NEK6: variants seen among roughly 807,000 people sequenced by gnomAD.
NEK6 encodes the protein NIMA related kinase 6, also known as serine/threonine-protein kinase Nek6.
NEK6 carries 27 observed loss-of-function variants against 43.5 expected under a neutral mutation model. The ratio of observed to expected loss-of-function variants is 0.62; its 90% CI spans 0.46 to 0.86. The LOEUF is 0.86. Among genes scored for constraint, NEK6 ranks in the 40% least tolerant of loss-of-function variants. NEK6 has a pLI of 0.00. For synonymous variants in NEK6, 167 were observed against 164.1 expected (o/e 1.02, Z -0.14); for missense variants, 318 against 414.4 (o/e 0.77, Z 2.02).
chr9:124,339,714 G>T (rs1433955126), intron 8 of NEK6, 49 bp downstream of exon 8: 6 of 1,392,010 alleles, frequency 4.3e-6, no homozygotes, highest in Non-Finnish European at 6.1e-6. Context: ...CATGCATGGG[G>T]GGTGCCCAGT....
intron 1 of NEK6, among the ~76,000 whole-genome samples, chr9:124,281,162 G>C (rs1831885535): frequency 6.6e-6 from 1 of 152,190 alleles, no homozygotes; most frequent in Admixed American, 6.5e-5. Context: ...GACTGGCCTG[G>C]GGGCCTCTTC....
chr9:124,289,059 C>T (rs1029006846), intron 1 of NEK6, among the ~76,000 whole-genome samples: 2 of 152,094 alleles, frequency 1.3e-5, no homozygotes, highest in Admixed American at 1.3e-4. Flanking sequence ...TAGCTCTCCA[C>T]AGCCTTGAAC....
chr9:124,321,793 C>T (rs1834078577), intron 5 of NEK6, among the ~76,000 whole-genome samples: 1 of 152,226 alleles, frequency 6.6e-6, no homozygotes, highest in South Asian at 2.1e-4. Context: ...TCTTTCTTTC[C>T]ACTGGCCTCA....
intron 2 of NEK6, among the ~76,000 whole-genome samples, chr9:124,307,502 C>T (rs1025989144): frequency 5.3e-5 from 8 of 152,236 alleles, no homozygotes; most frequent in African/African-American, 1.7e-4. Context: ...TCCCATGTGC[C>T]TGCCCCAGGC....
At position 124,298,008 on chromosome 9, in the gene NEK6, A is replaced by G. The variant is rs554239164; in HGVS notation, c.-29-3928A>G. On this transcript the variant is annotated intron_variant, in intron 1 of 9. Transcript: ENST00000320246. ...CCCATGGAGAGCCCCAAGAGGCAGT[A>G]GATTCCTTGGAACAAAGAGGGAGTT... 2.0e-5 allele frequency among the ~76,000 whole-genome samples: 3 copies of G among 152,350 alleles called. No individual in the cohort carries two copies. The East Asian group carries it at 5.8e-4, about 29-fold the overall frequency.
At chr9:124,281,487 CTTTTTTTTTTTTT>C (rs759381068) in intron 1 of NEK6, among the ~76,000 whole-genome samples, 31 of 102,968 alleles carry the variant, frequency 3.0e-4, no homozygotes, top group African/African-American at 8.2e-4. Context: ...GCTGTTTTTT[CTTTTTTTTTTTTT>C]TTTTTTTTTT....
chr9:124,282,206 G>A (rs1588454544), intron 1 of NEK6, among the ~76,000 whole-genome samples: 1 of 152,214 alleles, frequency 6.6e-6, no homozygotes, highest in Non-Finnish European at 1.5e-5. Flanking sequence ...CTCTGACAAA[G>A]CACCTGCCGT....
rs192646049 is a variant in NEK6, at chr9:124,307,575, G to T, written c.91-4934G>T. Among the ~76,000 whole-genome samples, 5 of 152,268 alleles carry T rather than the reference G, an allele frequency of 3.3e-5. No individual in the cohort carries two copies. In the East Asian group the frequency reaches 7.7e-4, roughly 24 times the overall value. On this transcript the variant is annotated intron_variant, in intron 2 of 9. Transcript: ENST00000320246. ...AGCACAGCGAGTGGTGACACCGCAG[G>T]GTCAGCCTCCCTGTCCCCCGGCCCC...
At chr9:124,295,509 T>A (rs1428958685) in intron 1 of NEK6, among the ~76,000 whole-genome samples, 1 of 152,230 alleles carries the variant, frequency 6.6e-6, no homozygotes, top group Non-Finnish European at 1.5e-5. Flanking sequence ...TCACACCCTC[T>A]TCCAAGGCAG....
chr9:124,341,215 G>A (rs560178667), intron 8 of NEK6, among the ~76,000 whole-genome samples: 2 of 152,156 alleles, frequency 1.3e-5, no homozygotes, highest in East Asian at 1.9e-4. Flanking sequence ...GCAAATTTTC[G>A]TATTTTTTGG....
At chr9:124,283,939 C>T (rs759899615) in intron 1 of NEK6, among the ~76,000 whole-genome samples, 99 of 152,246 alleles carry the variant, frequency 6.5e-4, no homozygotes, top group Non-Finnish European at 1.9e-4. Context: ...ATTGGTCCCC[C>T]TTGCCTGGCA....
At chr9:124,321,422 A>G (rs1048391567) in intron 4 of NEK6, 37 bp from the exon 5 acceptor site, 1 of 1,417,652 alleles carries the variant, frequency 7.1e-7, no homozygotes, top group Admixed American at 1.7e-5. Context: ...TCCCGTCTTC[A>G]CTTGGTGCCC....
intron 7 of NEK6, among the ~76,000 whole-genome samples, chr9:124,328,846 C>T (rs539935420): frequency 3.3e-4 from 50 of 152,326 alleles, no homozygotes; most frequent in African/African-American, 1.1e-3. Flanking sequence ...CTTGTCCCCA[C>T]CTGGCCAGGC....
chr9:124,311,724 C>T (rs539849092), intron 2 of NEK6, among the ~76,000 whole-genome samples: 4 of 152,348 alleles, frequency 2.6e-5, no homozygotes, highest in South Asian at 2.1e-4. Context: ...GACAGAGTCT[C>T]CATCACCCAG....
At chr9:124,287,027 C>G (rs552640917) in intron 1 of NEK6, among the ~76,000 whole-genome samples, 1 of 152,166 alleles carries the variant, frequency 6.6e-6, no homozygotes, top group African/African-American at 2.4e-5. Context: ...TGCTGCCCCC[C>G]GGCTGTGATA....
intron 1 of NEK6, among the ~76,000 whole-genome samples, chr9:124,270,076 C>A (rs545429615): frequency 1.6e-4 from 24 of 152,178 alleles, no homozygotes; most frequent in Admixed American, 1.4e-3. Context: ...CACGCCCCCC[C>A]CCCATGCTGT....
chr9:124,305,894 G>T (rs1833232165), intron 2 of NEK6, among the ~76,000 whole-genome samples: 1 of 152,244 alleles, frequency 6.6e-6, no homozygotes, highest in Non-Finnish European at 1.5e-5. Flanking sequence ...GAAGGTAAAA[G>T]AATGTATGGT....
intron 1 of NEK6, among the ~76,000 whole-genome samples, chr9:124,296,239 G>T (rs911443105): frequency 6.6e-6 from 1 of 152,248 alleles, no homozygotes; most frequent in Non-Finnish European, 1.5e-5. Context: ...CGCTCGGGGC[G>T]GAGAGAAAGC....
intron 1 of NEK6, chr9:124,292,983 C>G (rs764829728): frequency 6.4e-7 from 1 of 1,574,506 alleles, no homozygotes. Context: ...TCATTTCCGG[C>G]AGGAGGAGCA....
Sources: allele counts gnomAD v4.1 joint callset (sites outside exome capture counted in the v4.1 genomes callset), GRCh38; gene constraint gnomAD v4.1.1; transcripts MANE v1.5; gene names NCBI Gene and HGNC (gene_info 2026-07-23, HGNC 2026-07-21).